PDE1A: variants seen among roughly 807,000 people sequenced by gnomAD.
The protein encoded by PDE1A is dual specificity calcium/calmodulin-dependent 3',5'-cyclic nucleotide phosphodiesterase 1A.
In PDE1A, 35 loss-of-function variants were observed where a neutral mutation model predicts 61.7. The ratio of observed to expected loss-of-function variants is 0.57; its 90% CI spans 0.43 to 0.75. The LOEUF is 0.75. Among genes scored for constraint, PDE1A ranks in the 30% least tolerant of loss-of-function variants. The probability of loss-of-function intolerance (pLI) is 0.00; values close to 1 mark genes in which losing one functional copy is unlikely to be tolerated. For missense variants in PDE1A, 597 were observed against 630.6 expected, an observed-to-expected ratio of 0.95 and a Z score of 0.57; for synonymous variants, 232 against 213.2, an observed-to-expected ratio of 1.09 and a Z score of -0.77.
chr2:182,521,867 C>T (rs1395866536), intron 2 of PDE1A, among the ~76,000 whole-genome samples: 5 of 152,108 alleles, frequency 3.3e-5, no homozygotes, highest in African/African-American at 9.7e-5. Flanking sequence ...TTAATCATCT[C>T]ATTGCTTTTC....
At chr2:182,531,985 T>C in the PDE1A span, among the ~76,000 whole-genome samples, 2 of 152,318 alleles carry the variant, frequency 1.3e-5, no homozygotes, top group East Asian at 1.9e-4. Flanking sequence ...TTGCTAAAAA[T>C]AATGGTTTCC....
chr2:182,513,111 T>C (rs868829206), intron 2 of PDE1A, among the ~76,000 whole-genome samples: 4 of 152,234 alleles, frequency 2.6e-5, no homozygotes, highest in South Asian at 4.2e-4. Context: ...CCCTGTGAGA[T>C]ACTATACAAG....
At chr2:182,242,127 TCTC>T in intron 2 of PDE1A, 2 of 1,209,700 alleles carry the variant, frequency 1.7e-6, no homozygotes, top group Non-Finnish European at 2.1e-6. Flanking sequence ...TGTCAGCTAA[TCTC>T]CTTAGAATGA....
chr2:182,667,933 TC>T, the PDE1A span, among the ~76,000 whole-genome samples: 1 of 152,064 alleles, frequency 6.6e-6, no homozygotes, highest in African/African-American at 2.4e-5. Flanking sequence ...ATCAAGGAAG[TC>T]CCACCAGAGA....
upstream of PDE1A, among the ~76,000 whole-genome samples, chr2:182,427,267 T>C (rs894975935): frequency 3.3e-5 from 5 of 152,222 alleles, no homozygotes; most frequent in Non-Finnish European, 7.3e-5. Flanking sequence ...TCATGCTGGC[T>C]GAAGTGTGGA....
the PDE1A span, among the ~76,000 whole-genome samples, chr2:182,641,030 A>AAAAAAAAAAG: frequency 6.7e-6 from 1 of 150,316 alleles, no homozygotes; most frequent in Admixed American, 6.6e-5. Context: ...AAAAAAAAAA[A>AAAAAAAAAAG]GAAGAAGAAG....
chr2:182,199,868 T>C (rs565371540), intron 10 of PDE1A, among the ~76,000 whole-genome samples: 2 of 152,302 alleles, frequency 1.3e-5, no homozygotes, highest in Non-Finnish European at 2.9e-5. Flanking sequence ...CCATCAACAA[T>C]GGGAGACAGA....
At chr2:182,180,709 C>T (rs1036423454) in intron 13 of PDE1A, among the ~76,000 whole-genome samples, 2 of 151,808 alleles carry the variant, frequency 1.3e-5, no homozygotes, top group African/African-American at 4.8e-5. Context: ...CTCCCAGTCT[C>T]TTTCAGGTAC....
chr2:182,664,363 C>T, the PDE1A span, among the ~76,000 whole-genome samples: 1 of 152,080 alleles, frequency 6.6e-6, no homozygotes, highest in African/African-American at 2.4e-5. Context: ...CCATCAATGA[C>T]AGAATAGGTA....
intron 10 of PDE1A, among the ~76,000 whole-genome samples, chr2:182,198,274 A>T (rs1686307790): frequency 6.6e-6 from 1 of 151,944 alleles, no homozygotes; most frequent in Non-Finnish European, 1.5e-5. Flanking sequence ...AGCCTTTTGT[A>T]GATCTCTTGA....
intron 2 of PDE1A, among the ~76,000 whole-genome samples, chr2:182,458,832 T>C (rs1224604795): frequency 6.6e-6 from 1 of 152,098 alleles, no homozygotes; most frequent in African/African-American, 2.4e-5. Context: ...CATCATAAAT[T>C]CCCACTAATT....
At chr2:182,592,834 C>T in the PDE1A span, among the ~76,000 whole-genome samples, 1 of 152,082 alleles carries the variant, frequency 6.6e-6, no homozygotes, top group East Asian at 1.9e-4. Context: ...TCAAAACAGA[C>T]ATCTCTTTCA....
At chr2:182,272,633 G>A (rs965839289) in intron 1 of PDE1A, among the ~76,000 whole-genome samples, 3 of 152,070 alleles carry the variant, frequency 2.0e-5, no homozygotes, top group African/African-American at 7.2e-5. Flanking sequence ...AGAGGTATGT[G>A]TCCATCCTGG....
At chr2:182,698,153 C>T in the PDE1A span, among the ~76,000 whole-genome samples, 1,789 of 152,312 alleles carry the variant, frequency 0.012, 79 homozygotes, top group East Asian at 0.093. Flanking sequence ...ACCAGCTCCA[C>T]AGTTCTGACA....
At chr2:182,691,530 A>C in the PDE1A span, among the ~76,000 whole-genome samples, 9 of 152,138 alleles carry the variant, frequency 5.9e-5, no homozygotes, top group East Asian at 3.8e-4. Context: ...AAAATTAATT[A>C]AAGATGGATT....
chr2:182,466,572 G>C (rs1434868239), intron 2 of PDE1A, among the ~76,000 whole-genome samples: 1 of 151,976 alleles, frequency 6.6e-6, no homozygotes, highest in Non-Finnish European at 1.5e-5. Context: ...GAGAGGTGAG[G>C]ATGGAAACAG....
rs140105720 is a variant in PDE1A at position 182,500,332 on chromosome 2, G to C, written c.101+21944C>G. Among the ~76,000 whole-genome samples the C allele has an allele frequency of 3.4e-3, 511 of 152,198 alleles. 1 individual carries two copies. Among genetic ancestry groups the C allele is most frequent in the African/African-American group, 0.012 (479 of 41,540 alleles). On this transcript the variant is annotated intron_variant, in intron 2 of 14. Coordinates refer to the PDE1A transcript ENST00000410103. Reference sequence around the variant, plus strand: ...CATTGGGAGGAGGGTCAGTCAGGAGGGGGTGGCAGGAGCTTGGTCTAAAAA... The same window carrying C: ...CATTGGGAGGAGGGTCAGTCAGGAGCGGGTGGCAGGAGCTTGGTCTAAAAA...
intron 13 of PDE1A, among the ~76,000 whole-genome samples, chr2:182,171,971 T>G (rs1289959298): frequency 1.3e-5 from 2 of 151,924 alleles, no homozygotes; most frequent in Non-Finnish European, 2.9e-5. Flanking sequence ...AACTCTTGCA[T>G]GCATTACTCA....
intron 1 of PDE1A, among the ~76,000 whole-genome samples, chr2:182,358,545 C>T (rs556110724): frequency 2.0e-5 from 3 of 152,224 alleles, no homozygotes; most frequent in African/African-American, 7.2e-5. Context: ...CTCTGTGCCT[C>T]CTCTAGCACT....
Sources: allele counts gnomAD v4.1 joint callset (sites outside exome capture counted in the v4.1 genomes callset), GRCh38; gene constraint gnomAD v4.1.1; transcripts MANE v1.5; gene names NCBI Gene and HGNC (gene_info 2026-07-23, HGNC 2026-07-21).